CHERP: variants seen among roughly 807,000 people sequenced by gnomAD.
CHERP encodes ERPROT 213-21.
A neutral mutation model predicts 113.8 loss-of-function variants in CHERP; 8 were observed. That is an observed-to-expected ratio of 0.07 (90% confidence interval 0.04 to 0.13). The LOEUF (loss-of-function observed/expected upper bound fraction) is 0.13, where lower values mean the gene tolerates loss of function less well. Among genes scored for constraint, CHERP ranks in the 10% least tolerant of loss-of-function variants. The probability of loss-of-function intolerance (pLI) is 1.00; values close to 1 mark genes in which losing one functional copy is unlikely to be tolerated. For synonymous variants in CHERP, 559 were observed against 524.5 expected (o/e 1.07, Z -0.90); for missense variants, 884 against 1,298.2 (o/e 0.68, Z 4.90).
chr19:16,529,912 A>T lies in CHERP; in HGVS notation c.877-12T>A, dbSNP rs759513822. On this transcript the variant is annotated splice_polypyrimidine_tract_variant and intron_variant, in intron 7 of 16. Coordinates refer to ENST00000546361, the MANE Select transcript of CHERP (RefSeq NM_006387.6). The stretch of plus-strand genomic sequence containing the variant: ...TTGATGAGGGTGGCCTGAGAGAGAG[A>T]AGAGCACCCGCTGCTCAGTATGCGG... 16 of 1,610,866 alleles carry T rather than the reference A, an allele frequency of 9.9e-6. No homozygotes were observed. The highest frequency in any genetic ancestry group is 1.3e-5 in the Non-Finnish European group (15 of 1,178,474).
At position 16,529,510 on chromosome 19, in the gene CHERP, A is replaced by G. The variant is rs572216658; in HGVS notation, c.1129+138T>C. On this transcript the variant is annotated intron_variant, in intron 8 of 16. Transcript: ENST00000546361. ...GGCTCGTGCTTGTAAATGGATGAAAACCTGGGCCTAGGAGCAGGCCTGGGA... is the reference window on the plus strand; with the variant it reads ...GGCTCGTGCTTGTAAATGGATGAAAGCCTGGGCCTAGGAGCAGGCCTGGGA... 13 of 1,084,946 alleles carry G rather than the reference A, an allele frequency of 1.2e-5. No homozygotes were observed. In the African/African-American group the frequency reaches 1.9e-4, roughly 16 times the overall value. The allele number at this position is 1,084,946 out of a possible 1,614,324, so 67.2% of individuals were successfully genotyped here.
Position 16,519,704 on chromosome 19 carries a change from C to A in CHERP, c.2474G>T (p.Gly825Val). 1 of 1,613,640 alleles carries A rather than the reference C, an allele frequency of 6.2e-7. No homozygotes were observed. Among genetic ancestry groups the A allele is most frequent in the Non-Finnish European group, 8.5e-7 (1 of 1,179,644 alleles). The stretch of plus-strand genomic sequence containing the variant: ...GGGAGGCGCCGAATTAGAACCCAGA[C>A]CAGCAGAGGAACTAAAATCGAGACA... ...SRSPTPPSSA[G>V]LGSNSAPPIP... The change falls in exon 16 of 17, where the codon GGT (glycine) becomes GTT (valine). Residue 825 changes from glycine (G) to valine (V), a missense_variant. Transcript: ENST00000546361. The surrounding 1 kb of genome is among the most constrained non-coding windows in gnomAD (Gnocchi z 6.0).
intron 8 of CHERP, 47 bp from the exon 9 acceptor site, chr19:16,528,302 C>T (rs755893212): frequency 3.3e-6 from 5 of 1,517,140 alleles, no homozygotes; most frequent in African/African-American, 2.8e-5. Context: ...CAGCAGGAGG[C>T]GCTGTCTCCT....
In CHERP at chr19:16,532,324, T is replaced by C; in HGVS notation, c.674+274A>G. 1.2e-5 allele frequency: 5 copies of C among 416,746 alleles called. No individual in the cohort carries two copies. The highest frequency in any genetic ancestry group is 2.2e-5 in the Non-Finnish European group (5 of 231,610). 25.8% of individuals were successfully genotyped at this position (416,746 alleles called of 1,614,324 possible). ...TGAGAGGAAGGAGTGCAGGGGACAG[T>C]GGCCCCCAGGAGACAGCAATGTGAC... is the stretch of plus-strand genomic sequence containing the variant. On this transcript the variant is annotated intron_variant, in intron 5 of 16. Transcript: ENST00000546361. This position sits in a 1 kb window ranked among gnomAD's most constrained non-coding sequence, Gnocchi z 4.4.
At position 16,535,413 on chromosome 19, in the gene CHERP, A is replaced by G. The variant is rs778937359; in HGVS notation, c.384+39T>C. On this transcript the variant is annotated intron_variant, in intron 3 of 16. Transcript: ENST00000546361. This position sits in a 1 kb window ranked among gnomAD's most constrained non-coding sequence, Gnocchi z 4.3. The stretch of plus-strand genomic sequence containing the variant: ...AGACGCAAAAACAGAGGCACAGGGG[A>G]GCTGCTGGTGTCTGGCCGAGGAGGC... The G allele has an allele frequency of 4.4e-6, 7 of 1,588,734 alleles. No individual in the cohort carries two copies. The highest frequency in any genetic ancestry group is 6.0e-6 in the Non-Finnish European group (7 of 1,168,158).
Position 16,535,720 on chromosome 19 carries a change from C to A in CHERP, c.200-84G>T. 1 of 1,290,304 alleles carries A rather than the reference C, an allele frequency of 7.8e-7. No homozygotes were observed. The highest frequency in any genetic ancestry group is 1.0e-6 in the Non-Finnish European group (1 of 966,328). The allele number at this position is 1,290,304 out of a possible 1,614,324, so 79.9% of individuals were successfully genotyped here. On this transcript the variant is annotated intron_variant, in intron 2 of 16. Coordinates refer to ENST00000546361, the MANE Select transcript of CHERP (RefSeq NM_006387.6). This position sits in a 1 kb window ranked among gnomAD's most constrained non-coding sequence, Gnocchi z 4.3. ...CTTGGCCACCTCTCAGCCACAGGGG[C>A]CTCCCCCTCCCCAGGGACTCACCAT...
At chr19:16,539,885 C>G (rs559472572) in intron 2 of CHERP, 2 of 152,294 alleles carry the variant, frequency 1.3e-5, no homozygotes, top group Non-Finnish European at 2.9e-5. Flanking sequence ...CACACTCAAT[C>G]GACACAGCGC....
chr19:16,520,533 G>A lies in CHERP; in HGVS notation c.2202-26C>T. The A allele has an allele frequency of 6.2e-7, 1 of 1,600,600 alleles. No individual in the cohort carries two copies. The highest frequency in any genetic ancestry group is 1.3e-5 in the African/African-American group (1 of 74,866). On this transcript the variant is annotated intron_variant, in intron 13 of 16. Transcript: ENST00000546361. The surrounding 1 kb of genome is among the most constrained non-coding windows in gnomAD (Gnocchi z 4.0). ...CTGTGGGGAGAGGCCTGATGATCAG[G>A]TGCCCCAGTGGATGGGCTGCACCCA...
chr19:16,523,582 C>G lies in CHERP; in HGVS notation c.1742-292G>C, dbSNP rs1023452289. Among the ~76,000 whole-genome samples, 1 of 152,324 alleles carries G rather than the reference C, an allele frequency of 6.6e-6. No homozygotes were observed. ...TAAGTTGTGACCCTCCGAATCCATACGCTGAGGTCCCAGCCCCCAGTAGCT... is the reference window on the plus strand; with the variant it reads ...TAAGTTGTGACCCTCCGAATCCATAGGCTGAGGTCCCAGCCCCCAGTAGCT... On this transcript the variant is annotated intron_variant, in intron 10 of 16. Coordinates refer to ENST00000546361, the MANE Select transcript of CHERP (RefSeq NM_006387.6). This position sits in a 1 kb window ranked among gnomAD's most constrained non-coding sequence, Gnocchi z 4.0.
In CHERP at chr19:16,523,234, CGTT is replaced by C; in HGVS notation, c.1795_1797del (p.Asn599del). The C allele has an allele frequency of 6.3e-7, 1 of 1,598,458 alleles. No individual in the cohort carries two copies. Among genetic ancestry groups the C allele is most frequent in the Non-Finnish European group, 8.5e-7 (1 of 1,174,068 alleles). On this transcript the variant is annotated inframe_deletion, in exon 11 of 17. Coordinates refer to ENST00000546361, the MANE Select transcript of CHERP (RefSeq NM_006387.6). This position sits in a 1 kb window ranked among gnomAD's most constrained non-coding sequence, Gnocchi z 4.0. ...TGGGGTCCAGCCCAAGGCGGGTGCTCGTTGATGCCAGGATGAGGCATGCGGTGG... is the reference window on the plus strand; with the variant it reads ...TGGGGTCCAGCCCAAGGCGGGTGCTCGATGCCAGGATGAGGCATGCGGTGG...
chr19:16,536,676 T>A (rs1432506616), intron 2 of CHERP, among the ~76,000 whole-genome samples: 3 of 152,210 alleles, frequency 2.0e-5, no homozygotes, highest in Non-Finnish European at 4.4e-5. Flanking sequence ...CTTCTATCTC[T>A]TATTTCTCCA....
At chr19:16,540,612 A>T (rs1159334159) in intron 2 of CHERP, among the ~76,000 whole-genome samples, 1 of 150,446 alleles carries the variant, frequency 6.6e-6, no homozygotes, top group Non-Finnish European at 1.5e-5. Flanking sequence ...ACCTCAAGTG[A>T]TCTGCCCGCT....
At position 16,541,742 on chromosome 19, in the gene CHERP, G is replaced by A. The variant is rs2112864; in HGVS notation, c.199+128C>T. ...CCGTGGGAACAGCGGAACAGGGATCGTGTGGACCGAGCTGCTCCACTTCAA... is the reference window on the plus strand; with the variant it reads ...CCGTGGGAACAGCGGAACAGGGATCATGTGGACCGAGCTGCTCCACTTCAA... On this transcript the variant is annotated intron_variant, in intron 2 of 16. Transcript: ENST00000546361. 3.3e-5 allele frequency: 32 copies of A among 964,076 alleles called. 1 individual carries two copies. The highest frequency in any genetic ancestry group is 4.7e-5 in the Non-Finnish European group (30 of 642,956). The allele number at this position is 964,076 out of a possible 1,614,324, so 59.7% of individuals were successfully genotyped here.
chr19:16,533,300 G>T, intron 3 of CHERP, 152 bp from the exon 4 acceptor site: 1 of 723,918 alleles, frequency 1.4e-6, no homozygotes, highest in Non-Finnish European at 2.3e-6. Flanking sequence ...CTTGTCCCCA[G>T]CAGGAGGAGA....
chr19:16,521,178 C>T (rs1041237800), intron 12 of CHERP: 6 of 583,988 alleles, frequency 1.0e-5, no homozygotes, highest in Admixed American at 3.0e-5. Context: ...AACTGGGAAA[C>T]AGGAACACTG....
At position 16,535,444 on chromosome 19, in the gene CHERP, G is replaced by A. The variant is rs1184840036; in HGVS notation, c.384+8C>T. ...TGGTGTCTGGCCGAGGAGGCGGCGG[G>A]CCCATACCTGTCTGAGCGCCAGCAA... On this transcript the variant is annotated splice_region_variant and intron_variant, in intron 3 of 16. Transcript: ENST00000546361. The surrounding 1 kb of genome is among the most constrained non-coding windows in gnomAD (Gnocchi z 4.3). 1.2e-5 allele frequency: 19 copies of A among 1,606,096 alleles called. No homozygotes were observed. Among genetic ancestry groups the A allele is most frequent in the Non-Finnish European group, 1.5e-5 (18 of 1,176,794 alleles).
At position 16,519,373 on chromosome 19, in the gene CHERP, A is replaced by G. The variant is rs2085584588; in HGVS notation, c.2558-21T>C. ...CCAGCCTGGAAACAGAGACGCAGTC[A>G]CAACCACAACAAGGCGGAGGCAGAT... On this transcript the variant is annotated intron_variant, in intron 16 of 16. Coordinates refer to ENST00000546361, the MANE Select transcript of CHERP (RefSeq NM_006387.6). The surrounding 1 kb of genome is among the most constrained non-coding windows in gnomAD (Gnocchi z 6.0). 4 of 1,606,058 alleles carry G rather than the reference A, an allele frequency of 2.5e-6. No individual in the cohort carries two copies. The highest frequency in any genetic ancestry group is 3.4e-6 in the Non-Finnish European group (4 of 1,177,508).
chr19:16,519,827 G>A lies in CHERP; in HGVS notation c.2463-112C>T. The A allele has an allele frequency of 3.2e-6, 3 of 938,442 alleles. No homozygotes were observed. Among genetic ancestry groups the A allele is most frequent in the South Asian group, 2.7e-5 (2 of 73,996 alleles). 58.1% of individuals were successfully genotyped at this position (938,442 alleles called of 1,614,324 possible). A position where few individuals can be genotyped will look rare whatever the true frequency, so the allele number is the denominator to read the frequency against. On this transcript the variant is annotated intron_variant, in intron 15 of 16. Transcript: ENST00000546361. This position sits in a 1 kb window ranked among gnomAD's most constrained non-coding sequence, Gnocchi z 6.0. ...GCGTGCATGCTCACTGTCACCAGGT[G>A]ACACCGTATGCAGATTTTGCGTCTC...
Position 16,541,988 on chromosome 19 carries a change from C to T in CHERP, c.81G>A (p.Gly27=). ...DKLAQFVARN[G]PEFEKMTMEK... is the part of the protein sequence containing the mutation. ...CCATAGTCATCTTCTCAAACTCGGG[C>T]CCATTGCGAGCCACGAACTGGGCGA... is the stretch of plus-strand genomic sequence containing the variant. The change falls in exon 2 of 17, where the codon GGG becomes GGA. Residue 27 remains glycine (G), a synonymous_variant. Transcript: ENST00000546361. 1 of 1,614,056 alleles carries T rather than the reference C, an allele frequency of 6.2e-7. No homozygotes were observed. The highest frequency in any genetic ancestry group is 8.5e-7 in the Non-Finnish European group (1 of 1,179,988).
Sources: allele counts gnomAD v4.1 joint callset (sites outside exome capture counted in the v4.1 genomes callset), GRCh38; gene constraint gnomAD v4.1.1; non-coding constraint Gnocchi (gnomAD v3.1); transcripts MANE v1.5; gene names NCBI Gene and HGNC (gene_info 2026-07-23, HGNC 2026-07-21).